NDUFA12: variants seen among roughly 807,000 people sequenced by gnomAD.
NDUFA12 encodes NADH:ubiquinone oxidoreductase subunit A12, also known as NADH dehydrogenase [ubiquinone] 1 alpha subcomplex subunit 12.
A neutral mutation model predicts 20.3 loss-of-function variants in NDUFA12; 17 were observed. The ratio of observed to expected loss-of-function variants is 0.84; its 90% CI spans 0.57 to 1.26. The LOEUF (loss-of-function observed/expected upper bound fraction) is 1.26, where lower values mean the gene tolerates loss of function less well. Ranked by LOEUF, NDUFA12 falls within the 50% of genes most tolerant of loss-of-function variation. NDUFA12 has a pLI of 0.00. For synonymous variants in NDUFA12, 72 were observed against 63.6 expected (o/e 1.13, Z -0.63); for missense variants, 191 against 183.7 (o/e 1.04, Z -0.23).
chr12:94,995,412 G>A (rs1313868277), intron 2 of NDUFA12, among the ~76,000 whole-genome samples: 1 of 152,120 alleles, frequency 6.6e-6, no homozygotes, highest in Non-Finnish European at 1.5e-5. Flanking sequence ...AATACAGTTA[G>A]GCTATAATGA....
chr12:95,002,634 CT>C (rs1458330030), intron 2 of NDUFA12, 104 bp downstream of exon 2: 7 of 835,516 alleles, frequency 8.4e-6, no homozygotes, highest in Non-Finnish European at 1.2e-5. Flanking sequence ...GTTTTTCATC[CT>C]TTTCCAGGTG....
chr12:94,994,139 G>T, intron 3 of NDUFA12, 31 bp downstream of exon 3: 1 of 1,594,246 alleles, frequency 6.3e-7, no homozygotes, highest in South Asian at 1.1e-5. Context: ...AGAAAAAAAA[G>T]AAAGACAAAT....
At chr12:94,979,605 C>T (rs1874170695) in intron 3 of NDUFA12, among the ~76,000 whole-genome samples, 4 of 151,710 alleles carry the variant, frequency 2.6e-5, no homozygotes, top group South Asian at 4.2e-4. Context: ...CTGAGGCAGG[C>T]GGATCACATG....
At chr12:94,999,617 A>T (rs1022972025) in intron 2 of NDUFA12, among the ~76,000 whole-genome samples, 2 of 152,230 alleles carry the variant, frequency 1.3e-5, no homozygotes, top group African/African-American at 4.8e-5. Flanking sequence ...CAAGGAACTC[A>T]CACAAATCAG....
chr12:94,976,610 G>A (rs1396913380), intron 3 of NDUFA12, among the ~76,000 whole-genome samples: 3 of 152,134 alleles, frequency 2.0e-5, no homozygotes, highest in Non-Finnish European at 2.9e-5. Context: ...TTTGCTTTTT[G>A]GAACTTTGTG....
At chr12:94,998,496 G>T (rs767484413) in intron 2 of NDUFA12, among the ~76,000 whole-genome samples, 6 of 152,134 alleles carry the variant, frequency 3.9e-5, no homozygotes, top group Non-Finnish European at 7.4e-5. Flanking sequence ...TTGGATAAAG[G>T]AAAGAAATAA....
At position 94,975,754 on chromosome 12, in the gene NDUFA12, T is replaced by C. The variant is rs138195693; in HGVS notation, c.258-4134A>G. ...TAAGGCATTATTAACATTTATGCTA[T>C]AGATAATATTTTGGCCAGGTATGGT... On this transcript the variant is annotated intron_variant, in intron 3 of 3. Coordinates refer to ENST00000327772, the MANE Select transcript of NDUFA12 (RefSeq NM_018838.5). Among the ~76,000 whole-genome samples the C allele has an allele frequency of 5.3e-4, 80 of 152,304 alleles. 2 individuals are homozygous for C. The East Asian group carries it at 0.01, about 20-fold the overall frequency.
chr12:94,993,517 C>T (rs575363730), intron 3 of NDUFA12, among the ~76,000 whole-genome samples: 71 of 143,542 alleles, frequency 4.9e-4, no homozygotes, highest in Admixed American at 8.6e-4. Flanking sequence ...CCCAGCTACT[C>T]GGGAGGCTGA....
At chr12:95,001,167 G>A (rs1372847123) in intron 2 of NDUFA12, among the ~76,000 whole-genome samples, 1 of 152,004 alleles carries the variant, frequency 6.6e-6, no homozygotes. Context: ...TTAACCAGGT[G>A]TGGTGGTGCA....
At chr12:94,993,443 G>A (rs111723049) in intron 3 of NDUFA12, among the ~76,000 whole-genome samples, 3 of 135,510 alleles carry the variant, frequency 2.2e-5, no homozygotes, top group East Asian at 2.2e-4. Context: ...TGGCCAAAAC[G>A]GTGAAACCCC....
Position 95,002,616 on chromosome 12 carries a change from T to C in NDUFA12, c.169+123A>G. ...TTCTGTAAATTATCTTTTTTCATTT[T>C]CTATTGAGTTTTTCATCCTTTTCCA... is the stretch of plus-strand genomic sequence containing the variant. On this transcript the variant is annotated intron_variant, in intron 2 of 3. Coordinates refer to ENST00000327772, the MANE Select transcript of NDUFA12 (RefSeq NM_018838.5). 2 of 753,278 alleles carry C rather than the reference T, an allele frequency of 2.7e-6. 1 individual carries two copies. The highest frequency in any genetic ancestry group is 3.2e-5 in the South Asian group (2 of 63,246). The allele number at this position is 753,278 out of a possible 1,614,324, so 46.7% of individuals were successfully genotyped here. A position where few individuals can be genotyped will look rare whatever the true frequency, so the allele number is the denominator to read the frequency against.
At position 95,002,810 on chromosome 12, in the gene NDUFA12, G is replaced by A. The variant is rs772303498; in HGVS notation, c.98C>T (p.Ala33Val). Residue 33 changes from alanine (A) to valine (V), a missense_variant, in exon 2 of 4, where the codon GCG becomes GTG. Transcript: ENST00000327772. ...YLRVFFRTNDAKVGTLVGEDK... is the reference protein window; with the variant it reads ...YLRVFFRTNDVKVGTLVGEDK... Reference sequence around the variant, plus strand: ...TTCCCCCACTAATGTACCAACCTTCGCATCATTTGTCCTGTGAATACCCAA... The same window carrying A: ...TTCCCCCACTAATGTACCAACCTTCACATCATTTGTCCTGTGAATACCCAA... 3.7e-6 allele frequency: 6 copies of A among 1,613,304 alleles called. No individual in the cohort carries two copies. Among genetic ancestry groups the A allele is most frequent in the Non-Finnish European group, 5.1e-6 (6 of 1,179,422 alleles).
rs575113127 is a variant in NDUFA12, at chr12:94,994,022, G to A, written c.257+148C>T. On this transcript the variant is annotated intron_variant, in intron 3 of 3. Coordinates refer to ENST00000327772, the MANE Select transcript of NDUFA12 (RefSeq NM_018838.5). ...GCCTGTAGTCCCAGCTACTAGGGAG[G>A]CTGATGTGGGAGGATCACTTGAGCC... 6 of 677,658 alleles carry A rather than the reference G, an allele frequency of 8.9e-6. No homozygotes were observed. The South Asian group carries it at 1.0e-4, about 11-fold the overall frequency. 42.0% of individuals were successfully genotyped at this position (677,658 alleles called of 1,614,324 possible).
At chr12:94,985,649 C>T (rs1190540186) in intron 3 of NDUFA12, among the ~76,000 whole-genome samples, 1 of 120,870 alleles carries the variant, frequency 8.3e-6, no homozygotes, top group Non-Finnish European at 1.8e-5. Flanking sequence ...AAAAAAAAAG[C>T]GGTTGGCAGG....
Position 94,994,979 on chromosome 12 carries a change from A to C in NDUFA12, c.170-722T>G, listed in dbSNP as rs143201240. 7.6e-4 allele frequency among the ~76,000 whole-genome samples: 116 copies of C among 152,292 alleles called. 1 individual carries two copies. The highest frequency in any genetic ancestry group is 2.7e-3 in the African/African-American group (113 of 41,578). Reference sequence around the variant, plus strand: ...AGTAAAAGTGGATGACTATACCTACATCTTAGAGTTGCTGTGAAAATTAAA... The same window carrying C: ...AGTAAAAGTGGATGACTATACCTACCTCTTAGAGTTGCTGTGAAAATTAAA... On this transcript the variant is annotated intron_variant, in intron 2 of 3. Transcript: ENST00000327772.
intron 2 of NDUFA12, among the ~76,000 whole-genome samples, chr12:94,997,978 T>C (rs998633785): frequency 6.6e-6 from 1 of 152,184 alleles, no homozygotes; most frequent in East Asian, 1.9e-4. Flanking sequence ...CTGCTGGTCA[T>C]TCTATGATGC....
chr12:94,980,146 G>A (rs1874188869), intron 3 of NDUFA12, among the ~76,000 whole-genome samples: 1 of 151,872 alleles, frequency 6.6e-6, no homozygotes, highest in Admixed American at 6.6e-5. Flanking sequence ...TGCTGGTTTG[G>A]CAGGTTTGAC....
At chr12:95,003,446 G>T in intron 1 of NDUFA12, 149 bp downstream of exon 1, 1 of 842,406 alleles carries the variant, frequency 1.2e-6, no homozygotes, top group Non-Finnish European at 2.0e-6. Flanking sequence ...ACAGAGACCA[G>T]CCTGGGGGTG....
intron 2 of NDUFA12, among the ~76,000 whole-genome samples, chr12:94,995,441 A>ATCTC (rs1326771277): frequency 2.0e-5 from 3 of 151,194 alleles, no homozygotes; most frequent in Non-Finnish European, 3.0e-5. Flanking sequence ...GGCCCTAACA[A>ATCTC]TCTCTCTCTC....
Sources: gnomAD v4.1 joint callset for allele counts (sites outside exome capture counted in the v4.1 genomes callset) on GRCh38, gnomAD v4.1.1 for gene constraint, MANE v1.5 for transcripts, NCBI Gene and HGNC (gene_info 2026-07-23, HGNC 2026-07-21) for gene names.